CSMD1: variants seen among roughly 807,000 people sequenced by gnomAD.
CSMD1 encodes CUB and Sushi multiple domains 1.
In CSMD1, 213 loss-of-function variants were observed where a neutral mutation model predicts 417.5. The ratio of observed to expected loss-of-function variants is 0.51; its 90% CI spans 0.46 to 0.57. The LOEUF is 0.57. Among genes scored for constraint, CSMD1 ranks in the 20% least tolerant of loss-of-function variants. CSMD1 has a pLI of 0.00. For synonymous variants in CSMD1, 2,862 were observed against 1,736.8 expected, an observed-to-expected ratio of 1.65 and a Z score of -16.11; for missense variants, 6,923 against 4,529.7, an observed-to-expected ratio of 1.53 and a Z score of -15.17.
chr8:3,139,079 G>A (rs1342009534), intron 41 of CSMD1, among the ~76,000 whole-genome samples: 2 of 152,164 alleles, frequency 1.3e-5, no homozygotes, highest in Non-Finnish European at 2.9e-5. Context: ...GGCACTGGAG[G>A]ATAAGCTGGG....
chr8:4,749,982 CTTGT>C (rs972110433), intron 1 of CSMD1, among the ~76,000 whole-genome samples: 6 of 151,636 alleles, frequency 4.0e-5, no homozygotes, highest in Admixed American at 3.3e-4. Context: ...TAATAAAACC[CTTGT>C]TTAATTGAAA....
chr8:4,871,748 G>C (rs1802750444), intron 1 of CSMD1, among the ~76,000 whole-genome samples: 1 of 152,042 alleles, frequency 6.6e-6, no homozygotes, highest in Non-Finnish European at 1.5e-5. Context: ...ATTATTGTAT[G>C]GGAGCTTATT....
rs765193856 is a variant in CSMD1 at position 4,146,140 on chromosome 8, T to A, written c.416-114041A>T. Among the ~76,000 whole-genome samples, 25 of 150,916 alleles carry A rather than the reference T, an allele frequency of 1.7e-4. 1 individual carries two copies. The highest frequency in any genetic ancestry group is 6.8e-3 in the Middle Eastern group (2 of 294). Reference sequence around the variant, plus strand: ...CGGTGAGGAATTCAGAGCCTACATATGATGGGTGACATATAATCCAGCCTC... The same window carrying A: ...CGGTGAGGAATTCAGAGCCTACATAAGATGGGTGACATATAATCCAGCCTC... On this transcript the variant is annotated intron_variant, in intron 3 of 69. Transcript: ENST00000635120.
rs74707764 is a variant in CSMD1, at chr8:4,350,408, C to T, written c.415+69545G>A. 7.2e-3 allele frequency among the ~76,000 whole-genome samples: 1,090 copies of T among 152,248 alleles called. 12 individuals carry two copies. Among genetic ancestry groups the T allele is most frequent in the African/African-American group, 0.025 (1,044 of 41,538 alleles). On this transcript the variant is annotated intron_variant, in intron 3 of 69. Transcript: ENST00000635120. ...AAATGAAATGCACAGCTATGATATGCTCTGATTTACTATATCTCATCAACC... is the reference window on the plus strand; with the variant it reads ...AAATGAAATGCACAGCTATGATATGTTCTGATTTACTATATCTCATCAACC...
intron 3 of CSMD1, among the ~76,000 whole-genome samples, chr8:4,293,682 A>T (rs1979918): frequency 1 from 152,133 of 152,318 alleles, 75,974 homozygotes; most frequent in Middle Eastern, 1. Context: ...TAACAATCAT[A>T]TCTCATTACT....
At chr8:3,128,973 A>G (rs1355216881) in intron 41 of CSMD1, 3 of 419,246 alleles carry the variant, frequency 7.2e-6, no homozygotes, top group South Asian at 1.7e-5. Context: ...GTGACAAACA[A>G]TACTAGCATG....
At chr8:3,458,997 G>C (rs1816325767) in intron 12 of CSMD1, among the ~76,000 whole-genome samples, 1 of 152,244 alleles carries the variant, frequency 6.6e-6, no homozygotes, top group South Asian at 2.1e-4. Context: ...CCTTGGGGAA[G>C]GGAAGGGTTG....
At chr8:3,246,068 A>C (rs537959787) in intron 26 of CSMD1, among the ~76,000 whole-genome samples, 2 of 152,138 alleles carry the variant, frequency 1.3e-5, no homozygotes, top group Non-Finnish European at 2.9e-5. Flanking sequence ...CCCCCAGTGC[A>C]ATCCATTCTC....
intron 3 of CSMD1, among the ~76,000 whole-genome samples, chr8:4,396,696 C>A (rs1324256317): frequency 6.6e-6 from 1 of 151,688 alleles, no homozygotes; most frequent in Non-Finnish European, 1.5e-5. Context: ...TACCGATCAG[C>A]CATAAAATGG....
intron 1 of CSMD1, among the ~76,000 whole-genome samples, chr8:4,821,970 C>T (rs1396998768): frequency 1.3e-5 from 2 of 151,976 alleles, no homozygotes; most frequent in South Asian, 2.1e-4. Flanking sequence ...TCAGAGAATA[C>T]TACGTAAAAT....
chr8:4,680,965 T>TGG (rs1459010272), intron 1 of CSMD1, among the ~76,000 whole-genome samples: 1 of 119,310 alleles, frequency 8.4e-6, no homozygotes, highest in South Asian at 2.7e-4. Flanking sequence ...TGTGTGTGTG[T>TGG]GTGTGTGTGT....
At chr8:4,175,718 A>T (rs1021837979) in intron 3 of CSMD1, among the ~76,000 whole-genome samples, 2 of 152,192 alleles carry the variant, frequency 1.3e-5, no homozygotes, top group African/African-American at 2.4e-5. Flanking sequence ...TTTATTGTCC[A>T]AGAGAATGTT....
chr8:3,652,736 G>T (rs896327211), intron 7 of CSMD1, among the ~76,000 whole-genome samples: 1 of 152,150 alleles, frequency 6.6e-6, no homozygotes, highest in East Asian at 1.9e-4. Context: ...CCCCTAACAA[G>T]TGGGGATTAT....
Position 4,177,443 on chromosome 8 carries a change from A to C in CSMD1, c.416-145344T>G, listed in dbSNP as rs546638733. Among the ~76,000 whole-genome samples the C allele has an allele frequency of 3.9e-4, 59 of 152,264 alleles. No individual in the cohort carries two copies. The South Asian group carries it at 0.011, about 27-fold the overall frequency. On this transcript the variant is annotated intron_variant, in intron 3 of 69. Transcript: ENST00000635120. ...CACATTCAAAGCAGTGTGTAGAGGG[A>C]AACTTATAGCACTAAATGTCCACAA...
At chr8:4,007,247 T>C (rs1816197130) in intron 4 of CSMD1, among the ~76,000 whole-genome samples, 2 of 152,156 alleles carry the variant, frequency 1.3e-5, no homozygotes, top group Non-Finnish European at 2.9e-5. Context: ...TCACCACTCA[T>C]AATAAAACCA....
intron 41 of CSMD1, among the ~76,000 whole-genome samples, chr8:3,137,170 TA>T (rs1374601765): frequency 6.6e-6 from 1 of 152,220 alleles, no homozygotes; most frequent in East Asian, 1.9e-4. Context: ...ACAGTCACCC[TA>T]AAGGGCTAGA....
At chr8:4,124,328 A>G (rs1347132880) in intron 3 of CSMD1, among the ~76,000 whole-genome samples, 1 of 152,174 alleles carries the variant, frequency 6.6e-6, no homozygotes, top group East Asian at 1.9e-4. Context: ...TATCAAGCTG[A>G]TTCTAAATGA....
At position 3,859,193 on chromosome 8, in the gene CSMD1, C is replaced by T. The variant is rs559283006; in HGVS notation, c.819-105151G>A. On this transcript the variant is annotated intron_variant, in intron 5 of 69. Coordinates refer to ENST00000635120, the MANE Select transcript of CSMD1 (RefSeq NM_033225.6). ...ACACAACAGGCTCTCTAAATATGTGCGTAGCAGAGGAGTACGTGGGAAAGC... is the reference window on the plus strand; with the variant it reads ...ACACAACAGGCTCTCTAAATATGTGTGTAGCAGAGGAGTACGTGGGAAAGC... Among the ~76,000 whole-genome samples, 9 of 152,266 alleles carry T rather than the reference C, an allele frequency of 5.9e-5. No homozygotes were observed. The South Asian group carries it at 1.0e-3, about 18-fold the overall frequency.
chr8:4,000,631 G>C (rs1051856908), intron 4 of CSMD1, among the ~76,000 whole-genome samples: 1 of 151,986 alleles, frequency 6.6e-6, no homozygotes, highest in Non-Finnish European at 1.5e-5. Flanking sequence ...GAGGTAAACA[G>C]GATCACTAGA....
Sources: gnomAD v4.1 joint callset for allele counts (sites outside exome capture counted in the v4.1 genomes callset) on GRCh38, gnomAD v4.1.1 for gene constraint, MANE v1.5 for transcripts, NCBI Gene and HGNC (gene_info 2026-07-23, HGNC 2026-07-21) for gene names.